Variants in ANKRD34A observed in about 807,000 individuals in gnomAD.
ANKRD34A encodes ankyrin repeat domain 34A.
ANKRD34A carries 7 observed loss-of-function variants against 27.1 expected under a neutral mutation model. That is an observed-to-expected ratio of 0.26 (90% CI 0.15 to 0.49). The LOEUF (loss-of-function observed/expected upper bound fraction) is 0.49, where lower values mean the gene tolerates loss of function less well. ANKRD34A is among the 20% of genes least tolerant of loss of function. ANKRD34A has a pLI of 0.99. For synonymous variants in ANKRD34A, 301 were observed against 300.8 expected (o/e 1.00, Z -0.01); for missense variants, 472 against 682.1 (o/e 0.69, Z 3.43).
chr1:145,960,582 G>T lies in ANKRD34A; in HGVS notation c.1178C>A (p.Pro393Gln), dbSNP rs1553761156. 1.9e-6 allele frequency: 3 copies of T among 1,585,644 alleles called. No homozygotes were observed. Among genetic ancestry groups the T allele is most frequent in the Non-Finnish European group, 2.6e-6 (3 of 1,164,690 alleles). Residue 393 changes from proline to glutamine, a missense_variant, in exon 4 of 4, where the codon CCG becomes CAG. By Grantham distance (76) the Pro-to-Gln change is moderately conservative. Transcript: ENST00000606888. The surrounding 1 kb of genome is among the most constrained non-coding windows in gnomAD (Gnocchi z 5.5). ...CGGACTCCGCCTCCTTCCGCTTAGC[G>T]GAGATACTGCCCCTGGCAGACTCTC... The part of the protein sequence containing the change: ...SQESLPGAVS[P>Q]LSGRRRSPGL...
At position 145,960,275 on chromosome 1, in the gene ANKRD34A, C is replaced by A. The variant is rs1410418013; in HGVS notation, c.1485G>T (p.Gly495=). The A allele has an allele frequency of 2.0e-6, 3 of 1,526,874 alleles. No individual in the cohort carries two copies. Among genetic ancestry groups the A allele is most frequent in the Middle Eastern group, 1.8e-4 (1 of 5,626 alleles). 94.6% of individuals were successfully genotyped at this position (1,526,874 alleles called of 1,614,324 possible). A position where few individuals can be genotyped will look rare whatever the true frequency, so the allele number is the denominator to read the frequency against. ...FQSLGGPGEP[G]R is the part of the protein sequence containing the mutation. ...TTGGCTCCTCTCACTCCTCTCAGCG[C>A]CCTGGCTCCCCAGGCCCACCTAGAC... Residue 495 remains glycine, a synonymous_variant, in exon 4 of 4, where the codon GGG becomes GGT. Transcript: ENST00000606888. The surrounding 1 kb of genome is among the most constrained non-coding windows in gnomAD (Gnocchi z 5.5).
Position 145,961,897 on chromosome 1 carries a change from C to T in ANKRD34A, c.-120-18G>A. ...GCCGATCCCTGCAAGAGAGACATCT[C>T]ATTGATAGATTCGGCAGGAAAACTG... On this transcript the variant is annotated intron_variant, in intron 3 of 3. Coordinates refer to ENST00000606888, the MANE Select transcript of ANKRD34A (RefSeq NM_001039888.4). This position sits in a 1 kb window ranked among gnomAD's most constrained non-coding sequence, Gnocchi z 9.5. The T allele has an allele frequency of 9.7e-7, 1 of 1,029,994 alleles. No individual in the cohort carries two copies. Among genetic ancestry groups the T allele is most frequent in the Non-Finnish European group, 1.4e-6 (1 of 732,476 alleles). 63.8% of individuals were successfully genotyped at this position (1,029,994 alleles called of 1,614,324 possible).
In ANKRD34A at chr1:145,964,195, C is replaced by CA. The variant is rs1399713844; in HGVS notation, c.-909dup. ...AACCCTCTGCCCACCTTCTCACAGACACGGCAGCAACCCACAGAAAAACAT... is the reference window on the plus strand; with the variant it reads ...AACCCTCTGCCCACCTTCTCACAGACAACGGCAGCAACCCACAGAAAAACAT... On this transcript the variant is annotated 5_prime_UTR_variant, in exon 1 of 4. The change abolishes the stop of an existing upstream ORF in the 5' untranslated region. Transcript: ENST00000606888. The CA allele has an allele frequency of 6.6e-6, 1 of 152,618 alleles. No homozygotes were observed. Among genetic ancestry groups the CA allele is most frequent in the East Asian group, 1.9e-4 (1 of 5,222 alleles). The allele number at this position is 152,618 out of a possible 1,614,324, so 9.5% of individuals were successfully genotyped here. A position where few individuals can be genotyped will look rare whatever the true frequency, so the allele number is the denominator to read the frequency against.
Position 145,960,758 on chromosome 1 carries a change from G to T in ANKRD34A, c.1002C>A (p.Ser334Arg). Residue 334 changes from serine (S) to arginine (R), a missense_variant, in exon 4 of 4, where the codon AGC (serine) becomes AGA (arginine). Around this residue, in one of 4 missense-constraint regions of ANKRD34A, gnomAD observed 295 missense variants for 335.0 expected, o/e 0.88. Transcript: ENST00000606888. This position sits in a 1 kb window ranked among gnomAD's most constrained non-coding sequence, Gnocchi z 5.5. The part of the protein sequence containing the change: ...GPPSGLRQKL[S>R]RMEPVELDTP... ...TGTCCAGCTCCACTGGCTCCATGCGGCTCAGTTTCTGCCTCAGCCCTGAAG... is the reference window on the plus strand; with the variant it reads ...TGTCCAGCTCCACTGGCTCCATGCGTCTCAGTTTCTGCCTCAGCCCTGAAG... 1 of 1,614,228 alleles carries T rather than the reference G, an allele frequency of 6.2e-7. No homozygotes were observed. Among genetic ancestry groups the T allele is most frequent in the Non-Finnish European group, 8.5e-7 (1 of 1,180,030 alleles).
At position 145,960,194 on chromosome 1, in the gene ANKRD34A, G is replaced by A; in HGVS notation, c.*75C>T. ...TGCAAGAGATCCCTTTGTTCGTGGT[G>A]TGTGTGTGAGCTGGTTCTCCCACCT... On this transcript the variant is annotated 3_prime_UTR_variant, in exon 4 of 4. Transcript: ENST00000606888. This position sits in a 1 kb window ranked among gnomAD's most constrained non-coding sequence, Gnocchi z 5.5. 1 of 1,426,202 alleles carries A rather than the reference G, an allele frequency of 7.0e-7. No individual in the cohort carries two copies. The highest frequency in any genetic ancestry group is 9.2e-7 in the Non-Finnish European group (1 of 1,081,180). 88.3% of individuals were successfully genotyped at this position (1,426,202 alleles called of 1,614,324 possible).
At position 145,961,484 on chromosome 1, in the gene ANKRD34A, C is replaced by G; in HGVS notation, c.276G>C (p.Ala92=). The change falls in exon 4 of 4, where the codon GCG becomes GCC. Residue 92 remains alanine (A), a synonymous_variant. Coordinates refer to ENST00000606888, the MANE Select transcript of ANKRD34A (RefSeq NM_001039888.4). The surrounding 1 kb of genome is among the most constrained non-coding windows in gnomAD (Gnocchi z 9.5). The stretch of plus-strand genomic sequence containing the variant: ...CGTGGGCAAGGAGCAGCGAGGCCAC[C>G]GCGGCGCCCCCACCCCCGGCGCAAG... ...MHACAGGGGA[A]VASLLLAHGA... is the part of the protein sequence containing the mutation. 3 of 1,575,290 alleles carry G rather than the reference C, an allele frequency of 1.9e-6. No individual in the cohort carries two copies. Among genetic ancestry groups the G allele is most frequent in the Non-Finnish European group, 2.6e-6 (3 of 1,160,980 alleles).
Position 145,960,920 on chromosome 1 carries a change from C to T in ANKRD34A, c.840G>A (p.Leu280=). The T allele has an allele frequency of 1.9e-6, 3 of 1,614,228 alleles. No individual in the cohort carries two copies. In the African/African-American group the frequency reaches 4.0e-5, roughly 22 times the overall value. Residue 280 remains leucine, a synonymous_variant, in exon 4 of 4, where the codon CTG becomes CTA. Coordinates refer to ENST00000606888, the MANE Select transcript of ANKRD34A (RefSeq NM_001039888.4). This position sits in a 1 kb window ranked among gnomAD's most constrained non-coding sequence, Gnocchi z 5.5. The stretch of plus-strand genomic sequence containing the variant: ...GTCGGGAAAGACGGGGTCGACCGGT[C>T]AGGGTCAGGCCATTGAATTCGGCAG... The part of the protein sequence containing the change: ...RLTAEFNGLT[L]TGRPRLSRRH...
Position 145,960,951 on chromosome 1 carries a change from C to G in ANKRD34A, c.809G>C (p.Arg270Pro), listed in dbSNP as rs781898177. 1 of 1,614,156 alleles carries G rather than the reference C, an allele frequency of 6.2e-7. No homozygotes were observed. Among genetic ancestry groups the G allele is most frequent in the South Asian group, 1.1e-5 (1 of 91,082 alleles). ...PPTEGRPGIE[R>P]LTAEFNGLTL... ...CAGGCCATTGAATTCGGCAGTCAAG[C>G]GCTCGATCCCCGGTCTCCCTTCAGT... Residue 270 changes from arginine to proline, a missense_variant, in exon 4 of 4, where the codon CGC becomes CCC. Around this residue, in one of 4 missense-constraint regions of ANKRD34A, gnomAD observed 295 missense variants for 335.0 expected, o/e 0.88. Coordinates refer to ENST00000606888, the MANE Select transcript of ANKRD34A (RefSeq NM_001039888.4). This position sits in a 1 kb window ranked among gnomAD's most constrained non-coding sequence, Gnocchi z 5.5.
chr1:145,960,918 G>A lies in ANKRD34A; in HGVS notation c.842C>T (p.Thr281Ile), dbSNP rs1251816253. 6.8e-6 allele frequency: 11 copies of A among 1,614,130 alleles called. No homozygotes were observed. In the African/African-American group the frequency reaches 1.3e-4, roughly 20 times the overall value. ...LTAEFNGLTLTGRPRLSRRHS... is the reference protein window; with the variant it reads ...LTAEFNGLTLIGRPRLSRRHS... Reference sequence around the variant, plus strand: ...ACGTCGGGAAAGACGGGGTCGACCGGTCAGGGTCAGGCCATTGAATTCGGC... The same window carrying A: ...ACGTCGGGAAAGACGGGGTCGACCGATCAGGGTCAGGCCATTGAATTCGGC... The change falls in exon 4 of 4, where the codon ACC becomes ATC. Residue 281 changes from threonine (T) to isoleucine (I), a missense_variant. Coordinates refer to ENST00000606888, the MANE Select transcript of ANKRD34A (RefSeq NM_001039888.4). This position sits in a 1 kb window ranked among gnomAD's most constrained non-coding sequence, Gnocchi z 5.5.
chr1:145,961,406 G>A lies in ANKRD34A; in HGVS notation c.354C>T (p.Ala118=), dbSNP rs1553761385. ...DHAGASALVH[A]LDRGDRETLA... is the part of the protein sequence containing the mutation. ...GGGTCTCGCGGTCCCCGCGGTCCAG[G>A]GCGTGGACAAGAGCCGAGGCGCCCG... The change falls in exon 4 of 4, where the codon GCC becomes GCT. Residue 118 remains alanine, a synonymous_variant. Transcript: ENST00000606888. The surrounding 1 kb of genome is among the most constrained non-coding windows in gnomAD (Gnocchi z 9.5). 3 of 1,613,294 alleles carry A rather than the reference G, an allele frequency of 1.9e-6. No homozygotes were observed. The highest frequency in any genetic ancestry group is 2.5e-6 in the Non-Finnish European group (3 of 1,179,768).
chr1:145,964,008 C>T (rs1366488931), intron 1 of ANKRD34A, among the ~76,000 whole-genome samples, 176 bp downstream of exon 1: 10 of 152,156 alleles, frequency 6.6e-5, no homozygotes, highest in African/African-American at 2.4e-4. Context: ...AACCTTTCTC[C>T]CTTGTTTCTG....
chr1:145,960,655 A>G lies in ANKRD34A; in HGVS notation c.1105T>C (p.Leu369=). 1 of 1,597,720 alleles carries G rather than the reference A, an allele frequency of 6.3e-7. No individual in the cohort carries two copies. Among genetic ancestry groups the G allele is most frequent in the Non-Finnish European group, 8.5e-7 (1 of 1,170,146 alleles). Residue 369 remains leucine (L), a synonymous_variant, in exon 4 of 4, where the codon TTG becomes CTG. Coordinates refer to ENST00000606888, the MANE Select transcript of ANKRD34A (RefSeq NM_001039888.4). This position sits in a 1 kb window ranked among gnomAD's most constrained non-coding sequence, Gnocchi z 5.5. The part of the protein sequence containing the change: ...LERRRYSASP[L]TLPPAGSAPS... ...GCCGAGCCGGCTGGAGGGAGGGTCA[A>G]CGGGGAGGCGCTGTATCGGCGGCGC...
rs1649683933 is a variant in ANKRD34A, at chr1:145,960,400, G to T, written c.1360C>A (p.Pro454Thr). 1 of 1,613,756 alleles carries T rather than the reference G, an allele frequency of 6.2e-7. No homozygotes were observed. Among genetic ancestry groups the T allele is most frequent in the Middle Eastern group, 1.7e-4 (1 of 6,060 alleles). Residue 454 changes from proline (P) to threonine (T), a missense_variant, in exon 4 of 4, where the codon CCT becomes ACT. By Grantham distance (38) the Pro-to-Thr change is conservative (BLOSUM62 -1). Coordinates refer to ENST00000606888, the MANE Select transcript of ANKRD34A (RefSeq NM_001039888.4). This position sits in a 1 kb window ranked among gnomAD's most constrained non-coding sequence, Gnocchi z 5.5. ...GGAGAGCCTGGCGCCCCGGCATAAGGAGGGGCAGGCAACGAAGGCGCCCGA... is the reference window on the plus strand; with the variant it reads ...GGAGAGCCTGGCGCCCCGGCATAAGTAGGGGCAGGCAACGAAGGCGCCCGA... ...GGRAPSLPAP[P>T]YAGAPGSPRT...
At position 145,960,908 on chromosome 1, in the gene ANKRD34A, G is replaced by T. The variant is rs782315475; in HGVS notation, c.852C>A (p.Pro284=). Residue 284 remains proline, a synonymous_variant, in exon 4 of 4, where the codon CCC becomes CCA. Coordinates refer to ENST00000606888, the MANE Select transcript of ANKRD34A (RefSeq NM_001039888.4). The surrounding 1 kb of genome is among the most constrained non-coding windows in gnomAD (Gnocchi z 5.5). ...EFNGLTLTGR[P]RLSRRHSTEG... ...CGGTGCTGTGACGTCGGGAAAGACG[G>T]GGTCGACCGGTCAGGGTCAGGCCAT... 5 of 1,614,234 alleles carry T rather than the reference G, an allele frequency of 3.1e-6. No homozygotes were observed. Among genetic ancestry groups the T allele is most frequent in the Non-Finnish European group, 4.2e-6 (5 of 1,180,036 alleles).
chr1:145,960,834 C>T lies in ANKRD34A; in HGVS notation c.926G>A (p.Gly309Asp). The change falls in exon 4 of 4, where the codon GGT (glycine) becomes GAT (aspartate). Residue 309 changes from glycine to aspartate, a missense_variant. This residue lies in a region of ANKRD34A where 295 missense variants were observed against 335.0 expected (regional missense o/e 0.88). Coordinates refer to ENST00000606888, the MANE Select transcript of ANKRD34A (RefSeq NM_001039888.4). The surrounding 1 kb of genome is among the most constrained non-coding windows in gnomAD (Gnocchi z 5.5). ...TGCTGTGTTTCGGCGAGAGAGAGGA[C>T]CCCCGCTAGTCACTTTCTCCGCCCA... ...PPWAEKVTSGGPLSRRNTAPE... is the reference protein window; with the variant it reads ...PPWAEKVTSGDPLSRRNTAPE... 1 of 1,614,244 alleles carries T rather than the reference C, an allele frequency of 6.2e-7. No individual in the cohort carries two copies. The highest frequency in any genetic ancestry group is 8.5e-7 in the Non-Finnish European group (1 of 1,180,046).
rs1553761128 is a variant in ANKRD34A, at chr1:145,960,514, G to A, written c.1246C>T (p.His416Tyr). 1 of 1,597,732 alleles carries A rather than the reference G, an allele frequency of 6.3e-7. No individual in the cohort carries two copies. The highest frequency in any genetic ancestry group is 1.1e-5 in the South Asian group (1 of 88,110). Reference sequence around the variant, plus strand: ...AAACCCGGCCGCGTTTGCGAGATGTGGTCCAGGAGCAACGTCCCCGAGCCC... The same window carrying A: ...AAACCCGGCCGCGTTTGCGAGATGTAGTCCAGGAGCAACGTCCCCGAGCCC... ...RRGSGTLLLDHISQTRPGFLP... is the reference protein window; with the variant it reads ...RRGSGTLLLDYISQTRPGFLP... Residue 416 changes from histidine to tyrosine, a missense_variant, in exon 4 of 4, where the codon CAC becomes TAC. Coordinates refer to ENST00000606888, the MANE Select transcript of ANKRD34A (RefSeq NM_001039888.4). The surrounding 1 kb of genome is among the most constrained non-coding windows in gnomAD (Gnocchi z 5.5).
At position 145,959,916 on chromosome 1, in the gene ANKRD34A, C is replaced by T; in HGVS notation, c.*353G>A. On this transcript the variant is annotated 3_prime_UTR_variant, in exon 4 of 4. Coordinates refer to ENST00000606888, the MANE Select transcript of ANKRD34A (RefSeq NM_001039888.4). ...AGGAGGGCAAAGACATCGGAGACTG[C>T]CCATAAGTAAGGGTTCCCTACTGCT... The T allele has an allele frequency of 3.6e-6, 1 of 278,696 alleles. No individual in the cohort carries two copies. Among genetic ancestry groups the T allele is most frequent in the Non-Finnish European group, 7.1e-6 (1 of 140,788 alleles). 17.3% of individuals were successfully genotyped at this position (278,696 alleles called of 1,614,324 possible).
rs782098379 is a variant in ANKRD34A at position 145,961,748 on chromosome 1, G to A, written c.12C>T (p.Thr4=). The change falls in exon 4 of 4, where the codon ACC becomes ACT. Residue 4 remains threonine, a synonymous_variant. Transcript: ENST00000606888. The surrounding 1 kb of genome is among the most constrained non-coding windows in gnomAD (Gnocchi z 9.5). MLH[T]EGHALLRAVG... ...CCGCCCGAAGAAGAGCGTGGCCCTC[G>A]GTGTGCAACATAGCTGCGGCTGGGG... is the stretch of plus-strand genomic sequence containing the variant. The A allele has an allele frequency of 2.4e-5, 39 of 1,612,438 alleles. No individual in the cohort carries two copies. The Admixed American group carries it at 3.0e-4, about 12-fold the overall frequency.
Position 145,960,565 on chromosome 1 carries a change from G to T in ANKRD34A, c.1195C>A (p.Arg399=). 1 of 1,582,360 alleles carries T rather than the reference G, an allele frequency of 6.3e-7. No homozygotes were observed. The highest frequency in any genetic ancestry group is 8.6e-7 in the Non-Finnish European group (1 of 1,163,660). ...CTCCGCTCCAGCAGCCCCGGACTCC[G>T]CCTCCTTCCGCTTAGCGGAGATACT... ...GAVSPLSGRR[R]SPGLLERRGS... Residue 399 remains arginine, a synonymous_variant, in exon 4 of 4, where the codon CGG becomes AGG. Coordinates refer to ENST00000606888, the MANE Select transcript of ANKRD34A (RefSeq NM_001039888.4). The surrounding 1 kb of genome is among the most constrained non-coding windows in gnomAD (Gnocchi z 5.5).
Sources: allele counts gnomAD v4.1 joint callset (sites outside exome capture counted in the v4.1 genomes callset), GRCh38; gene constraint gnomAD v4.1.1; regional missense constraint gnomAD v4.1.1; non-coding constraint Gnocchi (gnomAD v3.1); transcripts MANE v1.5; gene names NCBI Gene and HGNC (gene_info 2026-07-23, HGNC 2026-07-21).